Variants in P2RX3 observed in about 807,000 individuals in gnomAD.
The protein encoded by P2RX3 is P2X purinoceptor 3.
In P2RX3, 41 loss-of-function variants were observed where a neutral mutation model predicts 51.5. The ratio of observed to expected loss-of-function variants is 0.80; its 90% CI spans 0.62 to 1.03. The LOEUF is 1.03. P2RX3 is among the 50% of genes least tolerant of loss of function. The pLI is 0.00. For missense variants in P2RX3, 459 were observed against 522.1 expected (o/e 0.88, Z 1.18); for synonymous variants, 185 against 191.6 (o/e 0.97, Z 0.29).
upstream of P2RX3, among the ~76,000 whole-genome samples, chr11:57,337,350 G>GAAAAA (rs11339711): frequency 9.5e-5 from 7 of 73,504 alleles, no homozygotes; most frequent in Non-Finnish European, 1.5e-4. Flanking sequence ...AGGAAAGAAA[G>GAAAAA]AAAAAAAAAA....
At chr11:57,343,981 C>T (rs1254493633) in intron 1 of P2RX3, among the ~76,000 whole-genome samples, 2 of 152,146 alleles carry the variant, frequency 1.3e-5, no homozygotes, top group African/African-American at 4.8e-5. Context: ...GGGATTTCTA[C>T]GTGAGGCATA....
Position 57,368,552 on chromosome 11 carries a change from C to G in P2RX3, c.1002+115C>G, listed in dbSNP as rs968085649. 13 of 1,160,638 alleles carry G rather than the reference C, an allele frequency of 1.1e-5. No individual in the cohort carries two copies. In the African/African-American group the frequency reaches 1.2e-4, roughly 11 times the overall value. 71.9% of individuals were successfully genotyped at this position (1,160,638 alleles called of 1,614,324 possible). On this transcript the variant is annotated intron_variant, in intron 10 of 11. Transcript: ENST00000263314. ...CTGCCTCTGCCTGGAATGTAAAACC[C>G]CTACCCCCACTTGCTAGGTGCTTCA... is the stretch of plus-strand genomic sequence containing the variant.
upstream of P2RX3, among the ~76,000 whole-genome samples, chr11:57,336,272 G>A (rs756988834): frequency 2.0e-5 from 3 of 152,320 alleles, no homozygotes; most frequent in Non-Finnish European, 4.4e-5. Flanking sequence ...GCTGCGGAGA[G>A]TATGCGGGTG....
intron 8 of P2RX3, among the ~76,000 whole-genome samples, chr11:57,353,336 T>G (rs1856577014): frequency 6.6e-6 from 1 of 152,164 alleles, no homozygotes; most frequent in African/African-American, 2.4e-5. Context: ...CCCTACGAAG[T>G]AGATGCTACA....
intron 6 of P2RX3, among the ~76,000 whole-genome samples, chr11:57,349,391 G>A (rs1259224042): frequency 1.3e-5 from 2 of 151,920 alleles, no homozygotes; most frequent in African/African-American, 4.8e-5. Context: ...GCTTGAACCT[G>A]GGAGGCAGAG....
chr11:57,340,957 G>A (rs1391245327), intron 1 of P2RX3, among the ~76,000 whole-genome samples: 4 of 152,236 alleles, frequency 2.6e-5, no homozygotes, highest in African/African-American at 4.8e-5. Context: ...AGGGAGCAGA[G>A]ATGAGTGAGG....
rs530555322 is a variant in P2RX3, at chr11:57,370,171, T to C, written c.*174T>C. ...GACTGCTCCAGCAGACAGGCAGTGCTCCCTGCTGAGACCCCAATCTCACCT... is the reference window on the plus strand; with the variant it reads ...GACTGCTCCAGCAGACAGGCAGTGCCCCCTGCTGAGACCCCAATCTCACCT... On this transcript the variant is annotated 3_prime_UTR_variant, in exon 12 of 12. Transcript: ENST00000263314. The C allele has an allele frequency of 1.5e-4, 86 of 590,306 alleles. 2 individuals are homozygous for C. In the South Asian group the frequency reaches 1.8e-3, roughly 12 times the overall value. 36.6% of individuals were successfully genotyped at this position (590,306 alleles called of 1,614,324 possible).
rs1339435151 is a variant in P2RX3 at position 57,344,172 on chromosome 11, G to C, written c.120-2372G>C. ...AGGATGCCGCCTGCCTGCTCTAAAG[G>C]AGCAATAGGAAAGCAGGTAACGGGT... On this transcript the variant is annotated intron_variant, in intron 1 of 11. Transcript: ENST00000263314. 2.0e-5 allele frequency among the ~76,000 whole-genome samples: 3 copies of C among 152,198 alleles called. No individual in the cohort carries two copies. The East Asian group carries it at 5.8e-4, about 29-fold the overall frequency.
rs1165488367 is a variant in P2RX3 at position 57,371,101 on chromosome 11, G to A, written c.*1104G>A. On this transcript the variant is annotated 3_prime_UTR_variant, in exon 12 of 12. Transcript: ENST00000263314. ...CTGAGGCCAGAAAGGGAAAATGACT[G>A]GTTCAGTGCCACAGTTCATGGCCAA... Among the ~76,000 whole-genome samples, 2 of 152,210 alleles carry A rather than the reference G, an allele frequency of 1.3e-5. No homozygotes were observed. Among genetic ancestry groups the A allele is most frequent in the African/African-American group, 4.8e-5 (2 of 41,444 alleles).
Position 57,368,009 on chromosome 11 carries a change from G to A in P2RX3, c.843G>A (p.Arg281=). 6.2e-7 allele frequency: 1 copy of A among 1,613,956 alleles called. No homozygotes were observed. The change falls in exon 9 of 12, where the codon AGG becomes AGA. Residue 281 remains arginine (R), a splice_region_variant and synonymous_variant. Coordinates refer to ENST00000263314, the MANE Select transcript of P2RX3 (RefSeq NM_002559.5). Reference sequence around the variant, plus strand: ...ACCCATCTCTGCCTCTGACCTCCAGGTTTGCCAAGTACTACAAAATGGAAA... The same window carrying A: ...ACCCATCTCTGCCTCTGACCTCCAGATTTGCCAAGTACTACAAAATGGAAA... ...KSSVSPGYNF[R]FAKYYKMENG... is the part of the protein sequence containing the mutation.
At chr11:57,369,463 G>C in intron 11 of P2RX3, 25 bp downstream of exon 11, 1 of 1,594,488 alleles carries the variant, frequency 6.3e-7, no homozygotes, top group Non-Finnish European at 8.5e-7. Flanking sequence ...GGGCACCCTT[G>C]GATAAAAGGG....
intron 8 of P2RX3, among the ~76,000 whole-genome samples, chr11:57,354,771 T>G (rs1856602527): frequency 1.3e-5 from 2 of 151,876 alleles, no homozygotes; most frequent in African/African-American, 2.4e-5. Flanking sequence ...GCATTGATGG[T>G]GCAATGACAG....
At chr11:57,338,309 T>G, upstream of P2RX3, 1 of 332,530 alleles carries the variant, frequency 3.0e-6, no homozygotes, top group South Asian at 7.8e-5. Context: ...CACAGGGGAG[T>G]GGAGTGGAGA....
intron 6 of P2RX3, 52 bp from the exon 7 acceptor site, chr11:57,349,705 A>G: frequency 1.2e-6 from 2 of 1,611,298 alleles, no homozygotes; most frequent in East Asian, 2.2e-5. Context: ...AGATTGCACA[A>G]GACGATCTTC....
chr11:57,356,880 C>CT lies in P2RX3; in HGVS notation c.842+5985dup, dbSNP rs146773014. On this transcript the variant is annotated intron_variant, in intron 8 of 11. Transcript: ENST00000263314. ...AGAGTGATCTTGGATTTAGATAGCC[C>CT]TTTATCATGTTCATGTCTACCCTAT... 8.1e-3 allele frequency among the ~76,000 whole-genome samples: 1,230 copies of CT among 152,240 alleles called. 18 individuals carry two copies. Among genetic ancestry groups the CT allele is most frequent in the African/African-American group, 0.028 (1,147 of 41,516 alleles).
chr11:57,340,065 T>C (rs542707928), intron 1 of P2RX3, among the ~76,000 whole-genome samples: 1 of 152,342 alleles, frequency 6.6e-6, no homozygotes, highest in African/African-American at 2.4e-5. Flanking sequence ...TTTGCAAATG[T>C]TCGCTGTCTG....
chr11:57,371,128 A>G lies in P2RX3; in HGVS notation c.*1131A>G, dbSNP rs144645660. 6.6e-6 allele frequency among the ~76,000 whole-genome samples: 1 copy of G among 152,356 alleles called. No homozygotes were observed. The highest frequency in any genetic ancestry group is 2.4e-5 in the African/African-American group (1 of 41,584). On this transcript the variant is annotated 3_prime_UTR_variant, in exon 12 of 12. Transcript: ENST00000263314. ...TTCAGTGCCACAGTTCATGGCCAAAAAGGAACCCACATGTCCTGGCCCTTC... is the reference window on the plus strand; with the variant it reads ...TTCAGTGCCACAGTTCATGGCCAAAGAGGAACCCACATGTCCTGGCCCTTC...
chr11:57,369,561 T>G, intron 11 of P2RX3, 123 bp downstream of exon 11: 10 of 876,944 alleles, frequency 1.1e-5, no homozygotes, highest in Non-Finnish European at 1.7e-5. Flanking sequence ...CCTCAATGAA[T>G]ATTTGGGGTC....
At chr11:57,364,350 T>C (rs781733341) in intron 8 of P2RX3, among the ~76,000 whole-genome samples, 17 of 152,186 alleles carry the variant, frequency 1.1e-4, no homozygotes, top group Non-Finnish European at 2.1e-4. Flanking sequence ...GTTCAAGGGG[T>C]ATGAGCATGA....
Sources: allele counts gnomAD v4.1 joint callset (sites outside exome capture counted in the v4.1 genomes callset), GRCh38; gene constraint gnomAD v4.1.1; transcripts MANE v1.5; gene names NCBI Gene and HGNC (gene_info 2026-07-23, HGNC 2026-07-21).